Variants in ADAMTS7 observed in about 807,000 individuals in gnomAD.
The protein encoded by ADAMTS7 is A disintegrin and metalloproteinase with thrombospondin motifs 7.
Under a neutral mutation model 172.6 loss-of-function variants are expected in ADAMTS7, and 89 were observed. The ratio of observed to expected loss-of-function variants is 0.52; its 90% CI spans 0.43 to 0.61. The LOEUF (loss-of-function observed/expected upper bound fraction) is 0.61, where lower values mean the gene tolerates loss of function less well. ADAMTS7 is among the 20% of genes least tolerant of loss of function. ADAMTS7 has a pLI of 0.00. For synonymous variants in ADAMTS7, 885 were observed against 978.4 expected (o/e 0.90, Z 1.78); for missense variants, 1,973 against 2,355.6 (o/e 0.84, Z 3.36).
chr15:78,777,357 G>A (rs2055362592), intron 9 of ADAMTS7, 87 bp downstream of exon 9: 2 of 1,499,724 alleles, frequency 1.3e-6, no homozygotes, highest in Admixed American at 2.0e-5. Flanking sequence ...GTTGCTCCCA[G>A]GCTGGCATCC....
At chr15:78,797,903 C>A (rs1284366266) in intron 3 of ADAMTS7, 45 bp downstream of exon 3, 1 of 1,572,316 alleles carries the variant, frequency 6.4e-7, no homozygotes, top group Admixed American at 2.0e-5. Context: ...CCTTCATGTC[C>A]CCAGGCCCAG....
In ADAMTS7 at chr15:78,786,196, C is replaced by T. The variant is rs185735841; in HGVS notation, c.1322+2035G>A. On this transcript the variant is annotated intron_variant, in intron 8 of 23. Transcript: ENST00000388820. ...CCACCTGCCTCAGCCTCCCAAAGTG[C>T]TGGGATTACAGGCATAAGCCACCAC... Among the ~76,000 whole-genome samples the T allele has an allele frequency of 3.1e-3, 473 of 152,148 alleles. 2 individuals carry two copies. Among genetic ancestry groups the T allele is most frequent in the African/African-American group, 0.011 (462 of 41,530 alleles).
At chr15:78,785,210 GGA>G (rs553242474) in intron 8 of ADAMTS7, among the ~76,000 whole-genome samples, 30 of 152,188 alleles carry the variant, frequency 2.0e-4, no homozygotes, top group African/African-American at 7.2e-4. Context: ...TGGAAGGCCT[GGA>G]GAAGCAATGA....
rs76539006 is a variant in ADAMTS7 at position 78,768,226 on chromosome 15, C to T, written c.2552G>A (p.Arg851Gln). The T allele has an allele frequency of 1.0e-3, 1,650 of 1,610,776 alleles. 11 individuals carry two copies. In the African/African-American group the frequency reaches 0.014, roughly 14 times the overall value. The part of the protein sequence containing the change: ...VQRQNVYCLE[R>Q]QAGPVDEEHC... ...CTCCTCGTCCACGGGCCCTGCCTGC[C>T]GCTCCAAGCAGTACACATTCTGCCT... Residue 851 changes from arginine to glutamine, a missense_variant, in exon 17 of 24, where the codon CGG becomes CAG. By Grantham distance (43) the Arg-to-Gln change is conservative (BLOSUM62 1). This residue lies in a region of ADAMTS7 where 771 missense variants were observed against 952.6 expected (regional missense o/e 0.81). Transcript: ENST00000388820.
At chr15:78,770,941 T>C (rs1302479823) in intron 16 of ADAMTS7, 9 of 608,964 alleles carry the variant, frequency 1.5e-5, no homozygotes, top group Admixed American at 9.0e-5. Context: ...ACACTGAACA[T>C]GCGCCGCGAG....
chr15:78,806,464 A>G (rs950805511), intron 1 of ADAMTS7, among the ~76,000 whole-genome samples: 8 of 152,332 alleles, frequency 5.3e-5, no homozygotes, highest in Admixed American at 2.6e-4. Flanking sequence ...CAATGGAGGG[A>G]CAAAATAATG....
In ADAMTS7 at chr15:78,766,544, C is replaced by G; in HGVS notation, c.3367G>C (p.Gly1123Arg). ...ATEPPAAKEE[G>R]VLGPWSPSPW... is the part of the protein sequence containing the mutation. ...CTCGGGGACCAAGGTCCCAGTACCC[C>G]CTCCTCCTTGGCTGCAGGAGGCTCT... Residue 1123 changes from glycine (G) to arginine (R), a missense_variant, in exon 19 of 24, where the codon GGG becomes CGG. Coordinates refer to ENST00000388820, the MANE Select transcript of ADAMTS7 (RefSeq NM_014272.5). 1 of 1,598,504 alleles carries G rather than the reference C, an allele frequency of 6.3e-7. No individual in the cohort carries two copies. The highest frequency in any genetic ancestry group is 1.1e-5 in the South Asian group (1 of 89,234).
At chr15:78,779,432 C>G (rs188570668) in intron 8 of ADAMTS7, among the ~76,000 whole-genome samples, 3 of 152,172 alleles carry the variant, frequency 2.0e-5, no homozygotes, top group Non-Finnish European at 4.4e-5. Context: ...GCTGCCTGCA[C>G]CAGGCTGTGT....
intron 7 of ADAMTS7, 61 bp from the exon 8 acceptor site, chr15:78,788,435 C>T (rs2055536668): frequency 6.3e-7 from 1 of 1,587,200 alleles, no homozygotes; most frequent in Non-Finnish European, 8.6e-7. Context: ...AGCCTGCCCT[C>T]CCCTGGACAC....
intron 1 of ADAMTS7, among the ~76,000 whole-genome samples, chr15:78,802,105 G>A (rs1010560417): frequency 2.6e-5 from 4 of 151,992 alleles, no homozygotes; most frequent in African/African-American, 9.7e-5. Flanking sequence ...CTAAATTGTT[G>A]GGATTACAGG....
chr15:78,800,823 G>C (rs574970992), intron 1 of ADAMTS7, among the ~76,000 whole-genome samples: 1 of 152,304 alleles, frequency 6.6e-6, no homozygotes, highest in South Asian at 2.1e-4. Flanking sequence ...GCCCAGGCTG[G>C]AGTGCGTGGC....
chr15:78,764,854 C>A, intron 19 of ADAMTS7, 147 bp from the exon 20 acceptor site: 1 of 754,226 alleles, frequency 1.3e-6, no homozygotes, highest in Non-Finnish European at 2.0e-6. Flanking sequence ...AAAATAGGCT[C>A]CTTCACCCAC....
rs768734675 is a variant in ADAMTS7, at chr15:78,776,766, G to C, written c.1543C>G (p.Arg515Gly). 6.4e-7 allele frequency: 1 copy of C among 1,551,020 alleles called. No individual in the cohort carries two copies. Among genetic ancestry groups the C allele is most frequent in the Non-Finnish European group, 8.7e-7 (1 of 1,146,230 alleles). The change falls in exon 10 of 24, where the codon CGG becomes GGG. Residue 515 changes from arginine (R) to glycine (G), a missense_variant. Coordinates refer to ENST00000388820, the MANE Select transcript of ADAMTS7 (RefSeq NM_014272.5). The stretch of plus-strand genomic sequence containing the variant: ...TCCCCTACCTTATTCTCCCCACACC[G>C]GGTGCCGTCCACAGCTGCATCCAGC... ...SKLDAAVDGT[R>G]CGENKWCLSG...
chr15:78,811,034 C>G (rs1364014130), intron 1 of ADAMTS7, 87 bp downstream of exon 1: 1 of 1,209,000 alleles, frequency 8.3e-7, no homozygotes, highest in Non-Finnish European at 1.0e-6. Context: ...GGCGCGGGGT[C>G]CACAAAGGTG....
chr15:78,759,642 T>C (rs1044381144), intron 23 of ADAMTS7, 64 bp from the exon 24 acceptor site: 508 of 1,463,040 alleles, frequency 3.5e-4, no homozygotes, highest in East Asian at 1.1e-3. Context: ...CCTGGCTCCC[T>C]ACGCCAACCA....
intron 8 of ADAMTS7, among the ~76,000 whole-genome samples, chr15:78,781,953 C>T (rs1311758059): frequency 2.0e-5 from 3 of 152,158 alleles, no homozygotes; most frequent in Non-Finnish European, 2.9e-5. Flanking sequence ...AAGGCAGGCC[C>T]ATCATCATGT....
intron 22 of ADAMTS7, 146 bp from the exon 23 acceptor site, chr15:78,762,711 C>T: frequency 1.7e-6 from 1 of 572,856 alleles, no homozygotes; most frequent in Non-Finnish European, 2.7e-6. Flanking sequence ...CCTCCTGGAG[C>T]ACCTGGTCCC....
chr15:78,806,091 A>AACAC (rs1216857182), intron 1 of ADAMTS7, among the ~76,000 whole-genome samples: 1,599 of 27,260 alleles, frequency 0.059, 103 homozygotes, highest in Non-Finnish European at 0.077. Context: ...CCCCCCCAAA[A>AACAC]ACACACACAC....
At chr15:78,799,064 C>T (rs1053374085) in intron 2 of ADAMTS7, among the ~76,000 whole-genome samples, 3 of 150,942 alleles carry the variant, frequency 2.0e-5, no homozygotes, top group Non-Finnish European at 4.4e-5. Context: ...GTGGCACAGG[C>T]TCAACAAGAT....
Sources: allele counts gnomAD v4.1 joint callset (sites outside exome capture counted in the v4.1 genomes callset), GRCh38; gene constraint gnomAD v4.1.1; regional missense constraint gnomAD v4.1.1; transcripts MANE v1.5; gene names NCBI Gene and HGNC (gene_info 2026-07-23, HGNC 2026-07-21).